TNFRSF14: variants seen among roughly 807,000 people sequenced by gnomAD.
TNFRSF14 encodes tumor necrosis factor receptor superfamily member 14.
A neutral mutation model predicts 34.1 loss-of-function variants in TNFRSF14; 18 were observed. The ratio of observed to expected loss-of-function variants is 0.53; its 90% CI spans 0.36 to 0.78. The LOEUF is 0.78. TNFRSF14 is among the 30% of genes least tolerant of loss of function. The pLI is 0.00. For synonymous variants in TNFRSF14, 157 were observed against 153.2 expected (o/e 1.02, Z -0.18); for missense variants, 352 against 379.5 (o/e 0.93, Z 0.60).
At chr1:2,562,052 C>G in intron 6 of TNFRSF14, 1 of 587,714 alleles carries the variant, frequency 1.7e-6, no homozygotes, top group Middle Eastern at 4.5e-4. Flanking sequence ...TCAGCCACCC[C>G]TGCCCACGCA....
upstream of TNFRSF14, among the ~76,000 whole-genome samples, chr1:2,554,472 G>T (rs56083892): frequency 6.6e-6 from 1 of 152,164 alleles, no homozygotes; most frequent in Non-Finnish European, 1.5e-5. The surrounding 1 kb of genome is among the most constrained non-coding windows in gnomAD (Gnocchi z 4.2). Context: ...GGGCCGAGGC[G>T]GGCGGATACG....
At chr1:2,558,593 C>T in intron 3 of TNFRSF14, 125 bp downstream of exon 3, 2 of 1,534,546 alleles carry the variant, frequency 1.3e-6, no homozygotes, top group Non-Finnish European at 1.7e-6. Context: ...CAGGTCCCAA[C>T]CCCATCTCCA....
chr1:2,559,668 T>G, intron 3 of TNFRSF14, 155 bp from the exon 4 acceptor site: 2 of 1,535,282 alleles, frequency 1.3e-6, no homozygotes, highest in Non-Finnish European at 1.7e-6. Flanking sequence ...AGGTCCTCCA[T>G]GCTGGGTACC....
Position 2,563,245 on chromosome 1 carries a change from C to A in TNFRSF14, c.824C>A (p.Ser275Ter), listed in dbSNP as rs1391587072. The A allele has an allele frequency of 1.2e-6, 2 of 1,613,392 alleles. No individual in the cohort carries two copies. Among genetic ancestry groups the A allele is most frequent in the African/African-American group, 2.7e-5 (2 of 74,930 alleles). ...GTGGCCGTGGAGGAGACAATACCCTCATTCACGGGGAGGAGCCCAAACCAC... is the reference window on the plus strand; with the variant it reads ...GTGGCCGTGGAGGAGACAATACCCTAATTCACGGGGAGGAGCCCAAACCAC... ...TTVAVEETIP[S>*]FTGRSPNH Residue 275 changes from serine to a stop codon, truncating the protein, a stop_gained, in exon 8 of 8, where the codon TCA becomes TAA. Transcript: ENST00000355716. LOFTEE classifies it low-confidence loss of function (END_TRUNC).
At position 2,560,675 on chromosome 1, in the gene TNFRSF14, C is replaced by T; in HGVS notation, c.512C>T (p.Ser171Phe). 1.2e-6 allele frequency: 2 copies of T among 1,613,560 alleles called. No individual in the cohort carries two copies. Among genetic ancestry groups the T allele is most frequent in the Non-Finnish European group, 1.7e-6 (2 of 1,179,948 alleles). The change falls in exon 5 of 8, where the codon TCT (serine) becomes TTT (phenylalanine). Residue 171 changes from serine to phenylalanine, a missense_variant. Coordinates refer to ENST00000355716, the MANE Select transcript of TNFRSF14 (RefSeq NM_003820.4). ...LCQNCPPGTF[S>F]PNGTLEECQH... Reference sequence around the variant, plus strand: ...CAGAACTGCCCCCCGGGGACCTTCTCTCCCAATGGGACCCTGGAGGAATGT... The same window carrying T: ...CAGAACTGCCCCCCGGGGACCTTCTTTCCCAATGGGACCCTGGAGGAATGT...
chr1:2,558,961 G>A, intron 3 of TNFRSF14: 1 of 1,366,402 alleles, frequency 7.3e-7, no homozygotes, highest in Non-Finnish European at 9.6e-7. Flanking sequence ...ACAGAAAGGG[G>A]AACCAGACCC....
chr1:2,561,926 C>T lies in TNFRSF14; in HGVS notation c.694+111C>T. On this transcript the variant is annotated intron_variant, in intron 6 of 7. Coordinates refer to ENST00000355716, the MANE Select transcript of TNFRSF14 (RefSeq NM_003820.4). The surrounding 1 kb of genome is among the most constrained non-coding windows in gnomAD (Gnocchi z 6.0). ...CAGAGCTTTTCCAGGATCCGCGGCTCCTCCCAGGGCAGCCACTGCAGGCTG... is the reference window on the plus strand; with the variant it reads ...CAGAGCTTTTCCAGGATCCGCGGCTTCTCCCAGGGCAGCCACTGCAGGCTG... 8.2e-7 allele frequency: 1 copy of T among 1,226,486 alleles called. No individual in the cohort carries two copies. The highest frequency in any genetic ancestry group is 1.1e-6 in the Non-Finnish European group (1 of 877,502). 76.0% of individuals were successfully genotyped at this position (1,226,486 alleles called of 1,614,324 possible).
chr1:2,558,786 T>A, intron 3 of TNFRSF14: 1 of 1,311,306 alleles, frequency 7.6e-7, no homozygotes, highest in African/African-American at 1.5e-5. Flanking sequence ...CCCACGTCCC[T>A]AGCTGCAAAG....
intron 2 of TNFRSF14, 67 bp downstream of exon 2, chr1:2,557,901 C>A: frequency 7.6e-7 from 1 of 1,312,096 alleles, no homozygotes; most frequent in Non-Finnish European, 1.1e-6. Flanking sequence ...CCCTTCTGCC[C>A]CAGACACCCC....
Position 2,556,459 on chromosome 1 carries a change from G to A in TNFRSF14, c.-206G>A. On this transcript the variant is annotated 5_prime_UTR_variant, in exon 1 of 8. Transcript: ENST00000355716. The stretch of plus-strand genomic sequence containing the variant: ...CCCCCAGCGCCGCTCCACCCAGCAG[G>A]CCTGAGCCCCTCTCTGCTGCCAGAC... The A allele has an allele frequency of 1.4e-6, 1 of 705,144 alleles. No individual in the cohort carries two copies. Among genetic ancestry groups the A allele is most frequent in the Non-Finnish European group, 2.6e-6 (1 of 388,576 alleles). 43.7% of individuals were successfully genotyped at this position (705,144 alleles called of 1,614,324 possible).
In TNFRSF14 at chr1:2,561,388, C is replaced by A; in HGVS notation, c.552-285C>A. 8.6e-7 allele frequency: 1 copy of A among 1,167,740 alleles called. No individual in the cohort carries two copies. Among genetic ancestry groups the A allele is most frequent in the Non-Finnish European group, 1.2e-6 (1 of 839,454 alleles). The allele number at this position is 1,167,740 out of a possible 1,614,324, so 72.3% of individuals were successfully genotyped here. On this transcript the variant is annotated intron_variant, in intron 5 of 7. Transcript: ENST00000355716. This position sits in a 1 kb window ranked among gnomAD's most constrained non-coding sequence, Gnocchi z 6.0. ...CCCGTGCTCTGGGGTCTCTGCACTG[C>A]TGGCTGCCTCCCGCTTCTCTCCCCT...
intron 2 of TNFRSF14, 111 bp from the exon 3 acceptor site, chr1:2,558,232 T>C (rs1483212378): frequency 2.1e-6 from 3 of 1,456,280 alleles, no homozygotes; most frequent in Non-Finnish European, 2.7e-6. Flanking sequence ...GCCATTTGAG[T>C]CCCCTTAGCT....
In TNFRSF14 at chr1:2,561,187, G is replaced by A. The variant is rs926760295; in HGVS notation, c.551+473G>A. The A allele has an allele frequency of 4.7e-5, 18 of 381,824 alleles. No homozygotes were observed. The South Asian group carries it at 5.1e-4, about 11-fold the overall frequency. 23.7% of individuals were successfully genotyped at this position (381,824 alleles called of 1,614,324 possible). A position where few individuals can be genotyped will look rare whatever the true frequency, so the allele number is the denominator to read the frequency against. ...TTGGGAGGAGCTGGGGTCCCCCAGC[G>A]GAGCCTGGGATGGAGCAGGGATGGC... On this transcript the variant is annotated intron_variant, in intron 5 of 7. Transcript: ENST00000355716. The surrounding 1 kb of genome is among the most constrained non-coding windows in gnomAD (Gnocchi z 6.0).
intron 5 of TNFRSF14, 126 bp downstream of exon 5, chr1:2,560,840 C>A: frequency 1.3e-6 from 1 of 794,548 alleles, no homozygotes; most frequent in South Asian, 1.7e-5. Context: ...GCACCCTGGT[C>A]ACATGCCTGC....
At chr1:2,560,061 C>T (rs989085342) in intron 4 of TNFRSF14, 83 bp downstream of exon 4, 43 of 1,450,992 alleles carry the variant, frequency 3.0e-5, no homozygotes, top group Middle Eastern at 2.2e-4. Context: ...GTTTCCTCGA[C>T]GGCATGGCCT....
chr1:2,563,241 C>G lies in TNFRSF14; in HGVS notation c.820C>G (p.Pro274Ala). 1 of 1,613,460 alleles carries G rather than the reference C, an allele frequency of 6.2e-7. No homozygotes were observed. The highest frequency in any genetic ancestry group is 8.5e-7 in the Non-Finnish European group (1 of 1,179,998). Residue 274 changes from proline (P) to alanine (A), a missense_variant, in exon 8 of 8, where the codon CCC (proline) becomes GCC (alanine). Physicochemically the swap from Pro to Ala is conservative, Grantham distance 27 (BLOSUM62 -1). Coordinates refer to ENST00000355716, the MANE Select transcript of TNFRSF14 (RefSeq NM_003820.4). ...CACGGTGGCCGTGGAGGAGACAATA[C>G]CCTCATTCACGGGGAGGAGCCCAAA... ...VTTVAVEETI[P>A]SFTGRSPNH
chr1:2,561,942 C>A lies in TNFRSF14; in HGVS notation c.694+127C>A, dbSNP rs568806266. 4.5e-5 allele frequency: 49 copies of A among 1,085,682 alleles called. No individual in the cohort carries two copies. The South Asian group carries it at 7.3e-4, about 16-fold the overall frequency. 67.3% of individuals were successfully genotyped at this position (1,085,682 alleles called of 1,614,324 possible). ...TCCGCGGCTCCTCCCAGGGCAGCCA[C>A]TGCAGGCTGGGGCAGGTGGGCTTTC... On this transcript the variant is annotated intron_variant, in intron 6 of 7. Coordinates refer to ENST00000355716, the MANE Select transcript of TNFRSF14 (RefSeq NM_003820.4). This position sits in a 1 kb window ranked among gnomAD's most constrained non-coding sequence, Gnocchi z 6.0.
At chr1:2,557,399 G>T (rs1207893400) in intron 1 of TNFRSF14, among the ~76,000 whole-genome samples, 1 of 152,208 alleles carries the variant, frequency 6.6e-6, no homozygotes, top group Non-Finnish European at 1.5e-5. Context: ...CCAGCAGGGG[G>T]GCCGGCAGGT....
chr1:2,563,287 C>T lies in TNFRSF14; in HGVS notation c.*14C>T, dbSNP rs2100865890. On this transcript the variant is annotated 3_prime_UTR_variant, in exon 8 of 8. Coordinates refer to ENST00000355716, the MANE Select transcript of TNFRSF14 (RefSeq NM_003820.4). ...CCAAACCACTGACCCACAGACTCTG[C>T]ACCCCGACGCCAGAGATACCTGGAG... The T allele has an allele frequency of 6.2e-7, 1 of 1,612,004 alleles. No homozygotes were observed.
Sources: allele counts gnomAD v4.1 joint callset (sites outside exome capture counted in the v4.1 genomes callset), GRCh38; gene constraint gnomAD v4.1.1; non-coding constraint Gnocchi (gnomAD v3.1); transcripts MANE v1.5; gene names NCBI Gene and HGNC (gene_info 2026-07-23, HGNC 2026-07-21).